The following SULF2 variants were observed in gnomAD, a reference collection of about 807,000 sequenced individuals.
SULF2 encodes the protein extracellular sulfatase Sulf-2.
Under a neutral mutation model 107.7 loss-of-function variants are expected in SULF2, and 52 were observed. That is an observed-to-expected ratio of 0.48 (90% confidence interval 0.39 to 0.61). The LOEUF (loss-of-function observed/expected upper bound fraction) is 0.61, where lower values mean the gene tolerates loss of function less well. Among genes scored for constraint, SULF2 ranks in the 20% least tolerant of loss-of-function variants. The pLI, the probability that SULF2 is intolerant of heterozygous loss-of-function variation, is 0.00. For missense variants in SULF2, 993 were observed against 1,177.3 expected (o/e 0.84, Z 2.29); for synonymous variants, 460 against 464.3 (o/e 0.99, Z 0.12).
At chr20:47,663,018 G>A in intron 17 of SULF2, 52 bp downstream of exon 17, 1 of 1,605,284 alleles carries the variant, frequency 6.2e-7, no homozygotes, top group African/African-American at 1.3e-5. Context: ...GGCCTACCTG[G>A]CAGCACTGGT....
chr20:47,682,845 A>G lies in SULF2; in HGVS notation c.1064+149T>C, dbSNP rs1602633448. On this transcript the variant is annotated intron_variant, in intron 7 of 20. Transcript: ENST00000688720. ...TCCTTCCCCAGCAGAGGGATATAAC[A>G]TGCATGACATAATTGCTTTCCGCTG... 1.2e-5 allele frequency: 9 copies of G among 744,164 alleles called. No homozygotes were observed. The East Asian group carries it at 2.4e-4, about 20-fold the overall frequency. The allele number at this position is 744,164 out of a possible 1,614,324, so 46.1% of individuals were successfully genotyped here. A position where few individuals can be genotyped will look rare whatever the true frequency, so the allele number is the denominator to read the frequency against.
chr20:47,683,204 G>A, intron 6 of SULF2, 35 bp from the exon 7 acceptor site: 3 of 1,541,360 alleles, frequency 1.9e-6, no homozygotes, highest in Non-Finnish European at 2.6e-6. Flanking sequence ...GGACAGTGGG[G>A]ACTGGGTGCC....
chr20:47,673,788 G>T (rs1263130074), intron 10 of SULF2, among the ~76,000 whole-genome samples: 1 of 152,212 alleles, frequency 6.6e-6, no homozygotes, highest in Non-Finnish European at 1.5e-5. Flanking sequence ...ACTGTGACCG[G>T]CTATACCCAT....
At chr20:47,763,662 G>A (rs1184025883) in intron 1 of SULF2, among the ~76,000 whole-genome samples, 1 of 152,198 alleles carries the variant, frequency 6.6e-6, no homozygotes, top group Non-Finnish European at 1.5e-5. Flanking sequence ...CTCCCCAGGT[G>A]GTCCAGAGAA....
At chr20:47,769,932 G>C (rs755795291) in intron 1 of SULF2, among the ~76,000 whole-genome samples, 1 of 152,062 alleles carries the variant, frequency 6.6e-6, no homozygotes. Context: ...AACAGAAAGC[G>C]CAACTGTCCT....
rs1283009989 is a variant in SULF2, at chr20:47,694,516, C to T, written c.568-4221G>A. Among the ~76,000 whole-genome samples the T allele has an allele frequency of 6.6e-6, 1 of 152,112 alleles. No homozygotes were observed. Among genetic ancestry groups the T allele is most frequent in the African/African-American group, 2.4e-5 (1 of 41,404 alleles). On this transcript the variant is annotated intron_variant, in intron 4 of 20. Coordinates refer to ENST00000688720, the MANE Select transcript of SULF2 (RefSeq NM_001387048.1). The surrounding 1 kb of genome is among the most constrained non-coding windows in gnomAD (Gnocchi z 4.4). ...ACAGGCCCAGGTGCATTTTCCAGAA[C>T]CCGGCGCCCAGGAGTCAGGCTCTAC...
Position 47,720,145 on chromosome 20 carries a change from G to A in SULF2, c.415+16558C>T, listed in dbSNP as rs182265547. On this transcript the variant is annotated intron_variant, in intron 3 of 20. Coordinates refer to ENST00000688720, the MANE Select transcript of SULF2 (RefSeq NM_001387048.1). ...GTTCTTGTATTTTTTATTAGAGACGGGGTTTCACGGTGTTAGCCAGGATGG... is the reference window on the plus strand; with the variant it reads ...GTTCTTGTATTTTTTATTAGAGACGAGGTTTCACGGTGTTAGCCAGGATGG... 3.5e-3 allele frequency among the ~76,000 whole-genome samples: 529 copies of A among 152,132 alleles called. 12 individuals are homozygous for A. Among genetic ancestry groups the A allele is most frequent in the Non-Finnish European group, 2.6e-3 (175 of 68,004 alleles).
At chr20:47,727,603 G>A (rs11905888) in intron 3 of SULF2, among the ~76,000 whole-genome samples, 18,136 of 152,202 alleles carry the variant, frequency 0.12, 1,482 homozygotes, top group Middle Eastern at 0.18. Context: ...CTGCCCCATC[G>A]GCCTCACATC....
intron 1 of SULF2, among the ~76,000 whole-genome samples, chr20:47,782,663 A>G (rs1023324709): frequency 6.6e-6 from 1 of 152,046 alleles, no homozygotes; most frequent in Non-Finnish European, 1.5e-5. Context: ...AATCTTCACC[A>G]TGGTTCACCT....
intron 18 of SULF2, 25 bp from the exon 19 acceptor site, chr20:47,659,755 A>G: frequency 6.2e-7 from 1 of 1,602,640 alleles, no homozygotes; most frequent in South Asian, 1.1e-5. Flanking sequence ...AATGAAAAAC[A>G]AAACAGGAGC....
chr20:47,781,837 C>T (rs534791357), intron 1 of SULF2, among the ~76,000 whole-genome samples: 16 of 152,118 alleles, frequency 1.1e-4, no homozygotes, highest in Non-Finnish European at 1.8e-4. Flanking sequence ...CTCCTAGCCA[C>T]GGTGCCCACA....
intron 2 of SULF2, among the ~76,000 whole-genome samples, chr20:47,743,355 C>T (rs1238261911): frequency 6.6e-6 from 1 of 151,998 alleles, no homozygotes; most frequent in Non-Finnish European, 1.5e-5. Flanking sequence ...TGTACCCAGG[C>T]TGGAGTGCAG....
chr20:47,735,193 A>C (rs2089699766), intron 3 of SULF2, among the ~76,000 whole-genome samples: 1 of 152,068 alleles, frequency 6.6e-6, no homozygotes, highest in South Asian at 2.1e-4. Context: ...ATTGATGAGA[A>C]CAGGTCTAGG....
At chr20:47,662,149 C>T (rs576494187) in intron 17 of SULF2, among the ~76,000 whole-genome samples, 2 of 152,278 alleles carry the variant, frequency 1.3e-5, no homozygotes, top group South Asian at 2.1e-4. Context: ...GTGTATTTAA[C>T]GTTGGAGTTC....
rs148441329 is a variant in SULF2 at position 47,777,886 on chromosome 20, C to T, written c.-101+7457G>A. Among the ~76,000 whole-genome samples, 867 of 151,874 alleles carry T rather than the reference C, an allele frequency of 5.7e-3. 5 individuals carry two copies. Among genetic ancestry groups the T allele is most frequent in the African/African-American group, 0.019 (778 of 41,360 alleles). On this transcript the variant is annotated intron_variant, in intron 1 of 20. Coordinates refer to ENST00000688720, the MANE Select transcript of SULF2 (RefSeq NM_001387048.1). Reference sequence around the variant, plus strand: ...GTTCCAGGCCAGGCAGGGTGGCTCACGCCTGTAATCCCAGCACTTTTGGAG... The same window carrying T: ...GTTCCAGGCCAGGCAGGGTGGCTCATGCCTGTAATCCCAGCACTTTTGGAG...
chr20:47,667,696 T>C (rs2087322813), intron 11 of SULF2, among the ~76,000 whole-genome samples: 1 of 152,154 alleles, frequency 6.6e-6, no homozygotes, highest in East Asian at 1.9e-4. Context: ...ACTGCAGTTG[T>C]CATCCTTCTC....
At chr20:47,742,237 A>G (rs1234423644) in intron 2 of SULF2, among the ~76,000 whole-genome samples, 2 of 152,198 alleles carry the variant, frequency 1.3e-5, no homozygotes, top group African/African-American at 4.8e-5. Context: ...CCCCAGCCCT[A>G]ATGCAGAAGG....
At chr20:47,728,322 C>T (rs1304033200) in intron 3 of SULF2, among the ~76,000 whole-genome samples, 1 of 152,146 alleles carries the variant, frequency 6.6e-6, no homozygotes, top group East Asian at 1.9e-4. Context: ...ATTGTGAAGG[C>T]AGGGACAGCT....
chr20:47,754,666 A>T (rs1379612847), intron 2 of SULF2, among the ~76,000 whole-genome samples: 1 of 152,004 alleles, frequency 6.6e-6, no homozygotes, highest in Non-Finnish European at 1.5e-5. Flanking sequence ...CTTCAGAAGC[A>T]CTCCCTTGTC....
Sources: allele counts gnomAD v4.1 joint callset (sites outside exome capture counted in the v4.1 genomes callset), GRCh38; gene constraint gnomAD v4.1.1; non-coding constraint Gnocchi (gnomAD v3.1); transcripts MANE v1.5; gene names NCBI Gene and HGNC (gene_info 2026-07-23, HGNC 2026-07-21).